CLSTN3: variants seen among roughly 807,000 people sequenced by gnomAD.
CLSTN3 encodes calsyntenin-3.
A neutral mutation model predicts 95.9 loss-of-function variants in CLSTN3; 36 were observed. The ratio of observed to expected loss-of-function variants is 0.38; its 90% confidence interval spans 0.29 to 0.50. The LOEUF (loss-of-function observed/expected upper bound fraction) is 0.50. Among genes scored for constraint, CLSTN3 ranks in the 20% least tolerant of loss-of-function variants. CLSTN3 has a pLI of 0.95. For missense variants in CLSTN3, 1,084 were observed against 1,268.8 expected (o/e 0.85, Z 2.21); for synonymous variants, 481 against 504.0 (o/e 0.95, Z 0.61).
rs772905506 is a variant in CLSTN3, at chr12:7,132,448, C to G, written c.65-576C>G. 9.7e-5 allele frequency: 20 copies of G among 206,120 alleles called. No homozygotes were observed. The East Asian group carries it at 2.4e-3, about 25-fold the overall frequency. The allele number at this position is 206,120 out of a possible 1,614,324, so 12.8% of individuals were successfully genotyped here. On this transcript the variant is annotated intron_variant, in intron 1 of 17. Coordinates refer to ENST00000266546, the MANE Select transcript of CLSTN3 (RefSeq NM_014718.4). ...CCCCTCCCTCTGTCCTATATATCTT[C>G]ACTTCTCTCCTTTCTCCCCATCCTG...
Position 7,142,976 on chromosome 12 carries a change from C to T in CLSTN3, c.1648C>T (p.Arg550Trp), listed in dbSNP as rs368510157. 7 of 1,614,028 alleles carry T rather than the reference C, an allele frequency of 4.3e-6. No homozygotes were observed. The highest frequency in any genetic ancestry group is 5.9e-6 in the Non-Finnish European group (7 of 1,180,032). The change falls in exon 11 of 18, where the codon CGG (arginine) becomes TGG (tryptophan). Residue 550 changes from arginine (R) to tryptophan (W), a missense_variant. Physicochemically the swap from Arg to Trp is moderately radical, Grantham distance 101 (BLOSUM62 -3). Transcript: ENST00000266546. ...GGTCATCGAGTGCCTCTATGCATGT[C>T]GGGAGGGGCTGGACTATAGGGATTT... is the stretch of plus-strand genomic sequence containing the variant. Reference protein sequence around the residue: ...REVIECLYACREGLDYRDFES... With the variant: ...REVIECLYACWEGLDYRDFES...
At chr12:7,131,049 C>G in intron 1 of CLSTN3, 1 of 458,578 alleles carries the variant, frequency 2.2e-6, no homozygotes. Context: ...GGACTGCCCC[C>G]GAGCCGGTGA....
chr12:7,138,995 C>G (rs190157109), intron 8 of CLSTN3, among the ~76,000 whole-genome samples: 1 of 152,286 alleles, frequency 6.6e-6, no homozygotes, highest in Admixed American at 6.5e-5. Flanking sequence ...CCCCCTCACA[C>G]TGCAAATATT....
intron 1 of CLSTN3, among the ~76,000 whole-genome samples, chr12:7,131,510 A>AG (rs1939301037): frequency 6.6e-6 from 1 of 152,100 alleles, no homozygotes; most frequent in African/African-American, 2.4e-5. Context: ...AGGTGGAGGC[A>AG]GAAAAAAGAG....
At chr12:7,153,274 C>G (rs779800341) in intron 16 of CLSTN3, among the ~76,000 whole-genome samples, 3 of 152,190 alleles carry the variant, frequency 2.0e-5, no homozygotes, top group African/African-American at 7.2e-5. Context: ...CTGCCTTAGC[C>G]CCCTGAGGAG....
At chr12:7,147,478 C>A (rs1057472180) in intron 12 of CLSTN3, among the ~76,000 whole-genome samples, 6 of 146,766 alleles carry the variant, frequency 4.1e-5, no homozygotes, top group African/African-American at 1.5e-4. Context: ...TGGTTTAAGC[C>A]TTGATTGTTT....
intron 16 of CLSTN3, among the ~76,000 whole-genome samples, chr12:7,152,076 AGAAAG>A (rs1442959177): frequency 1.3e-5 from 2 of 151,174 alleles, no homozygotes; most frequent in Admixed American, 6.6e-5. Flanking sequence ...AAAAAAAAAA[AGAAAG>A]AAGAAGACGA....
Position 7,137,164 on chromosome 12 carries a change from C to T in CLSTN3, c.1210+54C>T. On this transcript the variant is annotated intron_variant, in intron 7 of 17. Transcript: ENST00000266546. This position sits in a 1 kb window ranked among gnomAD's most constrained non-coding sequence, Gnocchi z 4.4. ...AGGGGGAAACTGGCTTCTTGTCCCG[C>T]CTCTGTCACTGCCCAGTGTGTGACT... 1 of 1,536,194 alleles carries T rather than the reference C, an allele frequency of 6.5e-7. No homozygotes were observed. The highest frequency in any genetic ancestry group is 8.8e-7 in the Non-Finnish European group (1 of 1,137,098).
chr12:7,136,236 G>C lies in CLSTN3; in HGVS notation c.773G>C (p.Gly258Ala). 6.2e-7 allele frequency: 1 copy of C among 1,614,192 alleles called. No individual in the cohort carries two copies. Among genetic ancestry groups the C allele is most frequent in the Non-Finnish European group, 8.5e-7 (1 of 1,180,030 alleles). ...GWNKRIEYAP[G>A]AGSLALFPGI... The stretch of plus-strand genomic sequence containing the variant: ...AACAAAAGGATCGAATATGCACCAG[G>C]TGCTGGGAGCTTGGCTTTGTTCCCT... Residue 258 changes from glycine (G) to alanine (A), a missense_variant, in exon 6 of 18, where the codon GGT becomes GCT. Gly to Ala is a moderately conservative substitution (Grantham distance 60, BLOSUM62 0). Coordinates refer to ENST00000266546, the MANE Select transcript of CLSTN3 (RefSeq NM_014718.4).
At chr12:7,151,804 C>G (rs974633458) in intron 16 of CLSTN3, among the ~76,000 whole-genome samples, 2 of 152,042 alleles carry the variant, frequency 1.3e-5, no homozygotes, top group East Asian at 3.9e-4. Context: ...GCCTGTAATC[C>G]CAACACACTA....
Position 7,135,505 on chromosome 12 carries a change from C to G in CLSTN3, c.562C>G (p.Pro188Ala). 1.2e-6 allele frequency: 2 copies of G among 1,614,142 alleles called. No individual in the cohort carries two copies. Among genetic ancestry groups the G allele is most frequent in the Non-Finnish European group, 1.7e-6 (2 of 1,180,014 alleles). The change falls in exon 4 of 18, where the codon CCC becomes GCC. Residue 188 changes from proline to alanine, a missense_variant. Pro to Ala is a conservative substitution (Grantham distance 27). Coordinates refer to ENST00000266546, the MANE Select transcript of CLSTN3 (RefSeq NM_014718.4). ...SQICYYEILT[P>A]NTPFLIDNDG... ...GATCTGCTACTATGAGATTCTCACA[C>G]CCAACACCCCTTTCCTCATTGACAA...
upstream of CLSTN3, chr12:7,130,284 C>G: frequency 1.3e-6 from 1 of 765,384 alleles, no homozygotes; most frequent in Non-Finnish European, 1.8e-6. Context: ...TTGGCTCCCT[C>G]CCCCGCTGCA....
chr12:7,140,045 A>G (rs1939501022), intron 8 of CLSTN3, among the ~76,000 whole-genome samples: 1 of 152,152 alleles, frequency 6.6e-6, no homozygotes, highest in South Asian at 2.1e-4. Flanking sequence ...GTCTTCATGA[A>G]AGGGGTTGGA....
chr12:7,130,833 T>G (rs1030168653), intron 1 of CLSTN3, 121 bp downstream of exon 1: 27 of 841,816 alleles, frequency 3.2e-5, no homozygotes, highest in Non-Finnish European at 5.3e-5. Flanking sequence ...CCTCTTCTGA[T>G]CACCCTCCTT....
chr12:7,147,856 T>C (rs916001946), intron 12 of CLSTN3, among the ~76,000 whole-genome samples: 1 of 152,070 alleles, frequency 6.6e-6, no homozygotes, highest in Non-Finnish European at 1.5e-5. Context: ...GAGGTTATAA[T>C]ATAATGAAAT....
chr12:7,148,924 G>A, intron 12 of CLSTN3, 48 bp from the exon 13 acceptor site: 3 of 1,522,642 alleles, frequency 2.0e-6, no homozygotes, highest in South Asian at 1.1e-5. Context: ...GGGTTTTCGG[G>A]GAGGAAGTGT....
chr12:7,142,718 C>CTTTT, intron 10 of CLSTN3, 151 bp from the exon 11 acceptor site: 22 of 306,670 alleles, frequency 7.2e-5, no homozygotes, highest in South Asian at 2.8e-4. Flanking sequence ...CTCTTTTTTC[C>CTTTT]TTTTTTTTTT....
intron 12 of CLSTN3, among the ~76,000 whole-genome samples, chr12:7,143,877 C>T (rs999084391): frequency 6.6e-6 from 1 of 152,190 alleles, no homozygotes; most frequent in Admixed American, 6.5e-5. Flanking sequence ...GATGGCAGAA[C>T]TGTGGGTAGT....
At chr12:7,153,785 G>A (rs773821304) in intron 16 of CLSTN3, among the ~76,000 whole-genome samples, 3 of 152,046 alleles carry the variant, frequency 2.0e-5, no homozygotes, top group Non-Finnish European at 4.4e-5. Context: ...TGAGATTCTC[G>A]ATCCTTACTT....
Sources: gnomAD v4.1 joint callset for allele counts (sites outside exome capture counted in the v4.1 genomes callset) on GRCh38, gnomAD v4.1.1 for gene constraint, Gnocchi (gnomAD v3.1) non-coding constraint, MANE v1.5 for transcripts, NCBI Gene and HGNC (gene_info 2026-07-23, HGNC 2026-07-21) for gene names.